KIAA1217: variants seen among roughly 807,000 people sequenced by gnomAD.
KIAA1217 encodes the protein KIAA1217.
In KIAA1217, 88 loss-of-function variants were observed where a neutral mutation model predicts 163.9. The ratio of observed to expected loss-of-function variants is 0.54; its 90% CI spans 0.45 to 0.64. The LOEUF is 0.64. KIAA1217 is among the 30% of genes least tolerant of loss of function. The pLI, the probability that KIAA1217 is intolerant of heterozygous loss-of-function variation, is 0.00. For missense variants in KIAA1217, 2,372 were observed against 2,475.0 expected, an observed-to-expected ratio of 0.96 and a Z score of 0.88; for synonymous variants, 903 against 923.1, an observed-to-expected ratio of 0.98 and a Z score of 0.39.
chr10:24,409,131 ATT>A (rs1246577450), intron 3 of KIAA1217, among the ~76,000 whole-genome samples: 1 of 152,036 alleles, frequency 6.6e-6, no homozygotes, highest in Non-Finnish European at 1.5e-5. Context: ...AGGGGGACAG[ATT>A]TTTTTTCTTG....
At chr10:24,153,001 G>T (rs1447010823) in intron 2 of KIAA1217, among the ~76,000 whole-genome samples, 1 of 152,200 alleles carries the variant, frequency 6.6e-6, no homozygotes, top group Non-Finnish European at 1.5e-5. Flanking sequence ...TCTACAAGAA[G>T]AACCTATTCA....
intron 2 of KIAA1217, among the ~76,000 whole-genome samples, chr10:24,087,003 A>G (rs1250793103): frequency 6.6e-6 from 1 of 152,172 alleles, no homozygotes; most frequent in Non-Finnish European, 1.5e-5. Context: ...TCATGCCCCC[A>G]TTGTCCAGTA....
At chr10:24,162,236 C>T (rs1054089115) in intron 2 of KIAA1217, among the ~76,000 whole-genome samples, 5 of 152,176 alleles carry the variant, frequency 3.3e-5, no homozygotes, top group African/African-American at 2.4e-5. Flanking sequence ...TCCAGTCCTC[C>T]GAAAGCATAA....
At chr10:24,538,732 G>GTTTTTTTTTTTTT (rs756717624) in intron 17 of KIAA1217, among the ~76,000 whole-genome samples, 1 of 87,770 alleles carries the variant, frequency 1.1e-5, no homozygotes, top group Non-Finnish European at 2.2e-5. Flanking sequence ...ATTGTTTTTG[G>GTTTTTTTTTTTTT]TTTTTTTTTT....
chr10:23,856,073 G>A (rs2131116088), intron 1 of KIAA1217, among the ~76,000 whole-genome samples: 1 of 152,314 alleles, frequency 6.6e-6, no homozygotes, highest in African/African-American at 2.4e-5. Flanking sequence ...TTCCTTTGGA[G>A]GAGGAGAGGC....
chr10:24,387,534 G>C (rs990525753), intron 3 of KIAA1217, among the ~76,000 whole-genome samples: 4 of 152,152 alleles, frequency 2.6e-5, no homozygotes, highest in Non-Finnish European at 5.9e-5. Context: ...ATTCAACATA[G>C]TGTTGGAAGT....
chr10:23,697,030 C>T (rs1836087910), intron 1 of KIAA1217, among the ~76,000 whole-genome samples: 1 of 152,184 alleles, frequency 6.6e-6, no homozygotes, highest in Non-Finnish European at 1.5e-5. Flanking sequence ...AGTGTATATC[C>T]TTAAACAAGT....
chr10:24,358,971 T>C (rs1381865840), intron 2 of KIAA1217, among the ~76,000 whole-genome samples: 2 of 152,138 alleles, frequency 1.3e-5, no homozygotes, highest in East Asian at 1.9e-4. Context: ...ATTGGCCACA[T>C]AGTACCTGAG....
chr10:24,467,609 T>C (rs1002900109), intron 5 of KIAA1217, among the ~76,000 whole-genome samples: 1 of 152,302 alleles, frequency 6.6e-6, no homozygotes, highest in African/African-American at 2.4e-5. Flanking sequence ...TAAAATGAAA[T>C]TGTTTAAAGC....
intron 2 of KIAA1217, among the ~76,000 whole-genome samples, chr10:24,099,638 G>A (rs991947648): frequency 1.3e-5 from 2 of 148,312 alleles, no homozygotes; most frequent in African/African-American, 5.0e-5. Flanking sequence ...TGTGCACAAT[G>A]TGCAGGTTTG....
chr10:24,520,651 A>AAAAAAAAATATATATATAT (rs1554926857), intron 11 of KIAA1217, among the ~76,000 whole-genome samples: 1 of 39,678 alleles, frequency 2.5e-5, no homozygotes, highest in African/African-American at 8.8e-5. Flanking sequence ...AAAAAAAAAA[A>AAAAAAAAATATATATATAT]ATATATATAT....
intron 1 of KIAA1217, among the ~76,000 whole-genome samples, chr10:23,790,012 CAT>C (rs1162032756): frequency 1.7e-5 from 2 of 114,612 alleles, no homozygotes; most frequent in African/African-American, 3.6e-5. Flanking sequence ...TGCACATACA[CAT>C]ATACACATAT....
chr10:23,823,675 A>G (rs1456131890), intron 1 of KIAA1217, among the ~76,000 whole-genome samples: 1 of 152,198 alleles, frequency 6.6e-6, no homozygotes, highest in Non-Finnish European at 1.5e-5. Flanking sequence ...AAAAATGAAT[A>G]TAAAACATTA....
At chr10:23,721,597 C>G (rs1468857839) in intron 1 of KIAA1217, among the ~76,000 whole-genome samples, 2 of 151,184 alleles carry the variant, frequency 1.3e-5, no homozygotes, top group Non-Finnish European at 2.9e-5. Flanking sequence ...CATAAACCAA[C>G]CTAAACTAAC....
chr10:24,042,242 T>C (rs980509915), intron 2 of KIAA1217: 3 of 123,720 alleles, frequency 2.4e-5, no homozygotes, highest in Non-Finnish European at 3.9e-5. Context: ...TCTGGAGTTT[T>C]GTTGTTTTTT....
Position 24,139,709 on chromosome 10 carries a change from G to T in KIAA1217, c.-170-79917G>T, listed in dbSNP as rs534588755. 6.6e-5 allele frequency among the ~76,000 whole-genome samples: 10 copies of T among 152,126 alleles called. No individual in the cohort carries two copies. In the South Asian group the frequency reaches 1.5e-3, roughly 22 times the overall value. On this transcript the variant is annotated intron_variant, in intron 2 of 18. Transcript: ENST00000376462. ...GGTCATAATAATATCCATTTTATAG[G>T]TTTATTATGAAGATCATCTGATTTA... is the stretch of plus-strand genomic sequence containing the variant.
At chr10:23,982,313 C>T (rs1247033257) in intron 1 of KIAA1217, among the ~76,000 whole-genome samples, 1 of 152,024 alleles carries the variant, frequency 6.6e-6, no homozygotes, top group African/African-American at 2.4e-5. Context: ...AGCATTAGCA[C>T]CCAGTTTGCC....
intron 1 of KIAA1217, among the ~76,000 whole-genome samples, chr10:23,973,844 A>T (rs1381416031): frequency 6.6e-6 from 1 of 152,158 alleles, no homozygotes; most frequent in African/African-American, 2.4e-5. Flanking sequence ...ACTTGGAAAA[A>T]AAAAACCCTC....
At chr10:24,187,667 GA>G (rs111909019) in intron 2 of KIAA1217, among the ~76,000 whole-genome samples, 1,538 of 152,146 alleles carry the variant, frequency 0.01, 27 homozygotes, top group African/African-American at 0.034. Context: ...GAGGCAGGTG[GA>G]TCACCTGAGG....
Sources: allele counts gnomAD v4.1 joint callset (sites outside exome capture counted in the v4.1 genomes callset), GRCh38; gene constraint gnomAD v4.1.1; transcripts MANE v1.5; gene names NCBI Gene and HGNC (gene_info 2026-07-23, HGNC 2026-07-21).